Variants in OR2A14 observed in about 807,000 individuals in gnomAD.
OR2A14 encodes the protein olfactory receptor family 2 subfamily A member 14.
Under a neutral mutation model 2.4 loss-of-function variants are expected in OR2A14, and 2 were observed. The ratio of observed to expected loss-of-function variants is 0.85; its 90% CI spans 0.35 to 2.67. The LOEUF (loss-of-function observed/expected upper bound fraction) is 2.67, where lower values mean the gene tolerates loss of function less well. Ranked by LOEUF, OR2A14 falls within the 30% of genes most tolerant of loss-of-function variation. The pLI is 0.10. For synonymous variants in OR2A14, 160 were observed against 156.3 expected, an observed-to-expected ratio of 1.02 and a Z score of -0.18; for missense variants, 390 against 379.4, an observed-to-expected ratio of 1.03 and a Z score of -0.23.
rs760282737 is a variant in OR2A14 at position 144,129,997 on chromosome 7, G to A, written c.885G>A (p.Glu295=). The change falls in exon 2 of 2, where the codon GAG becomes GAA. Residue 295 remains glutamate (E), a synonymous_variant. Coordinates refer to ENST00000641068, the MANE Select transcript of OR2A14 (RefSeq NM_001001659.3). ...NPLIYSLRNA[E]VKGALRRALR... is the part of the protein sequence containing the mutation. The stretch of plus-strand genomic sequence containing the variant: ...TGATATATAGCCTAAGGAATGCAGA[G>A]GTCAAGGGCGCCCTGAGGAGGGCAC... 1.5e-5 allele frequency: 25 copies of A among 1,614,124 alleles called. 1 individual carries two copies. Among genetic ancestry groups the A allele is most frequent in the Non-Finnish European group, 2.1e-5 (25 of 1,179,996 alleles).
chr7:144,129,021 T>G, intron 1 of OR2A14, 58 bp from the exon 2 acceptor site: 1 of 1,041,904 alleles, frequency 9.6e-7, no homozygotes, highest in Non-Finnish European at 1.4e-6. Context: ...TTCTAGAAAA[T>G]TCATTCAAAG....
chr7:144,129,708 T>G lies in OR2A14; in HGVS notation c.596T>G (p.Phe199Cys). The change falls in exon 2 of 2, where the codon TTT becomes TGT. Residue 199 changes from phenylalanine (F) to cysteine (C), a missense_variant. Transcript: ENST00000641068. Reference protein sequence around the residue: ...ADTWLNQVVIFAACVFILVGP... With the variant: ...ADTWLNQVVICAACVFILVGP... The stretch of plus-strand genomic sequence containing the variant: ...ACCTGGCTCAACCAGGTGGTCATCT[T>G]TGCAGCCTGCGTGTTCATCCTGGTG... 1 of 1,614,164 alleles carries G rather than the reference T, an allele frequency of 6.2e-7. No individual in the cohort carries two copies. Among genetic ancestry groups the G allele is most frequent in the South Asian group, 1.1e-5 (1 of 91,084 alleles).
chr7:144,125,775 G>T (rs538598992), intron 1 of OR2A14, among the ~76,000 whole-genome samples: 38 of 152,126 alleles, frequency 2.5e-4, no homozygotes, highest in Middle Eastern at 3.4e-3. Context: ...GGCTGCTGGG[G>T]TTTTTTTCCC....
rs992060712 is a variant in OR2A14, at chr7:144,129,379, C to T, written c.267C>T (p.Ser89=). ...TGACGAATCTTATGAACCAGGAAAG[C>T]ACCATCTCCTTTTTTCCATGCATAA... is the stretch of plus-strand genomic sequence containing the variant. ...KMLTNLMNQE[S]TISFFPCIMQ... is the part of the protein sequence containing the mutation. The change falls in exon 2 of 2, where the codon AGC becomes AGT. Residue 89 remains serine, a synonymous_variant. Coordinates refer to ENST00000641068, the MANE Select transcript of OR2A14 (RefSeq NM_001001659.3). 1.9e-6 allele frequency: 3 copies of T among 1,614,220 alleles called. No individual in the cohort carries two copies. Among genetic ancestry groups the T allele is most frequent in the South Asian group, 1.1e-5 (1 of 91,086 alleles).
Position 144,123,581 on chromosome 7 carries a change from T to C in OR2A14, c.-35+317T>C, listed in dbSNP as rs572171612. Among the ~76,000 whole-genome samples, 10 of 152,310 alleles carry C rather than the reference T, an allele frequency of 6.6e-5. No homozygotes were observed. In the East Asian group the frequency reaches 1.9e-3, roughly 29 times the overall value. On this transcript the variant is annotated intron_variant, in intron 1 of 1. Coordinates refer to ENST00000641068, the MANE Select transcript of OR2A14 (RefSeq NM_001001659.3). ...ATCAGATAACCATCCCTATAGGGTATGATCTGGCTAAAGGGCTCCAATGAT... is the reference window on the plus strand; with the variant it reads ...ATCAGATAACCATCCCTATAGGGTACGATCTGGCTAAAGGGCTCCAATGAT...
At position 144,130,108 on chromosome 7, in the gene OR2A14, T is replaced by C. The variant is rs1194381168; in HGVS notation, c.*63T>C. ...CCCTGCAAAATATAGAAGTTGGCTT[T>C]TTTTTTTTGTCTTCTGCTAGAATAA... On this transcript the variant is annotated 3_prime_UTR_variant, in exon 2 of 2. Transcript: ENST00000641068. 2.3e-6 allele frequency: 3 copies of C among 1,300,416 alleles called. No individual in the cohort carries two copies. The highest frequency in any genetic ancestry group is 3.2e-6 in the Non-Finnish European group (3 of 939,726). The allele number at this position is 1,300,416 out of a possible 1,614,324, so 80.6% of individuals were successfully genotyped here. A position where few individuals can be genotyped will look rare whatever the true frequency, so the allele number is the denominator to read the frequency against.
intron 1 of OR2A14, among the ~76,000 whole-genome samples, chr7:144,125,859 A>T (rs1310313991): frequency 1.3e-5 from 2 of 152,182 alleles, no homozygotes; most frequent in Non-Finnish European, 2.9e-5. Context: ...ATTTAGATTA[A>T]CCAAACAATT....
intron 1 of OR2A14, among the ~76,000 whole-genome samples, chr7:144,126,636 T>C (rs1176975319): frequency 3.3e-5 from 5 of 152,192 alleles, no homozygotes; most frequent in Admixed American, 3.3e-4. Context: ...CATTGTTCTT[T>C]TCATGGCCAG....
rs1185427281 is a variant in OR2A14, at chr7:144,129,820, C to T, written c.708C>T (p.Ala236=). 6.2e-7 allele frequency: 1 copy of T among 1,614,104 alleles called. No individual in the cohort carries two copies. The highest frequency in any genetic ancestry group is 1.1e-5 in the South Asian group (1 of 91,076). The change falls in exon 2 of 2, where the codon GCC becomes GCT. Residue 236 remains alanine (A), a synonymous_variant. Transcript: ENST00000641068. ...RIQSGEGRRK[A]FSTCSSHLCV... is the part of the protein sequence containing the mutation. ...AGTCTGGGGAGGGCCGCAGAAAGGC[C>T]TTCTCCACCTGCTCCTCCCACCTTT...
At chr7:144,126,600 T>C (rs183979310) in intron 1 of OR2A14, among the ~76,000 whole-genome samples, 63 of 152,262 alleles carry the variant, frequency 4.1e-4, no homozygotes, top group African/African-American at 1.5e-3. Flanking sequence ...AGTAGCTTTC[T>C]ATTATTTTAC....
In OR2A14 at chr7:144,130,222, T is replaced by C; in HGVS notation, c.*177T>C. ...AAAAGATAGGTAAATGCATTTATAA[T>C]ACTGGATAGGCATAAATTCATAAAG... On this transcript the variant is annotated 3_prime_UTR_variant, in exon 2 of 2. Coordinates refer to ENST00000641068, the MANE Select transcript of OR2A14 (RefSeq NM_001001659.3). The C allele has an allele frequency of 1.9e-6, 1 of 536,820 alleles. No individual in the cohort carries two copies. Among genetic ancestry groups the C allele is most frequent in the Non-Finnish European group, 3.2e-6 (1 of 314,834 alleles). 33.3% of individuals were successfully genotyped at this position (536,820 alleles called of 1,614,324 possible).
At chr7:144,127,879 G>T (rs2051493240) in intron 1 of OR2A14, among the ~76,000 whole-genome samples, 1 of 152,142 alleles carries the variant, frequency 6.6e-6, no homozygotes. Flanking sequence ...ACCTGATGAG[G>T]CCATCCGTCC....
At chr7:144,125,609 T>G (rs1164686593) in intron 1 of OR2A14, among the ~76,000 whole-genome samples, 1 of 152,224 alleles carries the variant, frequency 6.6e-6, no homozygotes, top group Non-Finnish European at 1.5e-5. Context: ...TAGACTTTTC[T>G]CCTTGTGGCC....
chr7:144,129,518 A>T lies in OR2A14; in HGVS notation c.406A>T (p.Ser136Cys). The T allele has an allele frequency of 6.2e-7, 1 of 1,614,070 alleles. No homozygotes were observed. Among genetic ancestry groups the T allele is most frequent in the East Asian group, 2.2e-5 (1 of 44,862 alleles). ...CCCCTTACGTTACAATAGCCTCATG[A>T]GCTGGAGAGTGTGCACTGTCCTGGC... is the stretch of plus-strand genomic sequence containing the variant. ...CHPLRYNSLM[S>C]WRVCTVLAVA... The change falls in exon 2 of 2, where the codon AGC becomes TGC. Residue 136 changes from serine (S) to cysteine (C), a missense_variant. Transcript: ENST00000641068.
intron 1 of OR2A14, among the ~76,000 whole-genome samples, chr7:144,124,516 A>G (rs1210783139): frequency 6.6e-6 from 1 of 151,716 alleles, no homozygotes; most frequent in South Asian, 2.1e-4. Flanking sequence ...CTCAGTGTCA[A>G]AGTATATTAT....
In OR2A14 at chr7:144,130,294, T is replaced by C. The variant is rs185357593; in HGVS notation, c.*249T>C. 175 of 327,530 alleles carry C rather than the reference T, an allele frequency of 5.3e-4. No homozygotes were observed. Among genetic ancestry groups the C allele is most frequent in the African/African-American group, 3.2e-3 (150 of 47,506 alleles). 20.3% of individuals were successfully genotyped at this position (327,530 alleles called of 1,614,324 possible). A position where few individuals can be genotyped will look rare whatever the true frequency, so the allele number is the denominator to read the frequency against. Reference sequence around the variant, plus strand: ...ATAAAATTTTTAAGTTCGATAAATATAGGACCTCTTCACATTAATCATTGT... The same window carrying C: ...ATAAAATTTTTAAGTTCGATAAATACAGGACCTCTTCACATTAATCATTGT... On this transcript the variant is annotated 3_prime_UTR_variant, in exon 2 of 2. Transcript: ENST00000641068.
intron 1 of OR2A14, among the ~76,000 whole-genome samples, chr7:144,128,377 A>C (rs1379233687): frequency 2.0e-5 from 3 of 152,214 alleles, no homozygotes; most frequent in Non-Finnish European, 2.9e-5. Flanking sequence ...ACTCATGCCT[A>C]ATTTACAATA....
At chr7:144,127,074 A>C (rs916465676) in intron 1 of OR2A14, among the ~76,000 whole-genome samples, 3 of 152,208 alleles carry the variant, frequency 2.0e-5, no homozygotes, top group African/African-American at 7.2e-5. Flanking sequence ...CCTAAATAGA[A>C]ATGTGAGGTG....
At chr7:144,123,321 G>A (rs1460853066) in intron 1 of OR2A14, 57 bp downstream of exon 1, 4 of 152,210 alleles carry the variant, frequency 2.6e-5, no homozygotes, top group Non-Finnish European at 5.9e-5. Context: ...AAATGGGAAA[G>A]GGGCAGTGAA....
Sources: allele counts gnomAD v4.1 joint callset (sites outside exome capture counted in the v4.1 genomes callset), GRCh38; gene constraint gnomAD v4.1.1; transcripts MANE v1.5; gene names NCBI Gene and HGNC (gene_info 2026-07-23, HGNC 2026-07-21).